The following ERC1 variants were observed in gnomAD, a reference collection of about 807,000 sequenced individuals.
The protein encoded by ERC1 is RAB6 interacting protein 2.
In ERC1, 56 loss-of-function variants were observed where a neutral mutation model predicts 132.0. The observed-to-expected ratio is 0.42, with a 90% CI of 0.34 to 0.53. The LOEUF (loss-of-function observed/expected upper bound fraction) is 0.53. ERC1 is among the 20% of genes least tolerant of loss of function. The pLI is 0.03. For missense variants in ERC1, 1,202 were observed against 1,349.9 expected (o/e 0.89, Z 1.72); for synonymous variants, 478 against 476.1 (o/e 1.00, Z -0.05).
intron 7 of ERC1, among the ~76,000 whole-genome samples, chr12:1,117,955 G>A (rs1246583269): frequency 6.6e-6 from 1 of 152,004 alleles, no homozygotes; most frequent in African/African-American, 2.4e-5. Context: ...TGCATAGTAG[G>A]TATATATATT....
chr12:1,445,652 A>G (rs985759205), intron 18 of ERC1, among the ~76,000 whole-genome samples: 1 of 152,190 alleles, frequency 6.6e-6, no homozygotes, highest in Non-Finnish European at 1.5e-5. Flanking sequence ...TTTCTTGGCA[A>G]TGAATAGTCT....
intron 2 of ERC1, among the ~76,000 whole-genome samples, chr12:1,082,010 G>T (rs146031358): frequency 7.4e-6 from 1 of 134,486 alleles, no homozygotes; most frequent in South Asian, 2.8e-4. Context: ...TTTGTATTTC[G>T]CTGTCCTTCG....
chr12:1,187,828 A>G (rs778232171), intron 11 of ERC1, among the ~76,000 whole-genome samples: 2 of 152,200 alleles, frequency 1.3e-5, no homozygotes, highest in African/African-American at 2.4e-5. Context: ...CTTGACTTAT[A>G]TAATTTATAG....
rs1363748675 is a variant in ERC1 at position 1,136,977 on chromosome 12, T to A, written c.1570-4643T>A. ...GCCTGTGTTCACCTGTGTTCCTTTA[T>A]GCTGGTATTCTTTGGTATGTGATAA... is the stretch of plus-strand genomic sequence containing the variant. On this transcript the variant is annotated intron_variant, in intron 7 of 18. Transcript: ENST00000360905. Among the ~76,000 whole-genome samples, 4 of 152,324 alleles carry A rather than the reference T, an allele frequency of 2.6e-5. No homozygotes were observed. The East Asian group carries it at 7.7e-4, about 29-fold the overall frequency.
chr12:1,166,492 T>C (rs1453488374), intron 8 of ERC1, among the ~76,000 whole-genome samples: 1 of 152,232 alleles, frequency 6.6e-6, no homozygotes, highest in African/African-American at 2.4e-5. Context: ...AGGCTTTCAG[T>C]CTTCACCTTG....
At chr12:1,275,818 G>A (rs567072778) in intron 14 of ERC1, among the ~76,000 whole-genome samples, 3 of 152,280 alleles carry the variant, frequency 2.0e-5, no homozygotes, top group African/African-American at 7.2e-5. Flanking sequence ...CATGATGCCC[G>A]CATCTGCTTC....
chr12:1,428,377 A>G (rs2092699454), intron 17 of ERC1, among the ~76,000 whole-genome samples: 1 of 152,166 alleles, frequency 6.6e-6, no homozygotes, highest in Admixed American at 6.5e-5. Flanking sequence ...TGTAGTAGCT[A>G]TTTTTAATCT....
intron 8 of ERC1, among the ~76,000 whole-genome samples, chr12:1,165,095 T>C (rs1952269895): frequency 6.6e-6 from 1 of 152,132 alleles, no homozygotes; most frequent in Non-Finnish European, 1.5e-5. Flanking sequence ...AGGAAGAAAG[T>C]ACAGAAGAAT....
At chr12:1,062,643 G>C (rs1350063823) in intron 2 of ERC1, among the ~76,000 whole-genome samples, 1 of 152,166 alleles carries the variant, frequency 6.6e-6, no homozygotes, top group Admixed American at 6.5e-5. Flanking sequence ...GTTTATCCTA[G>C]AGAATGTTCC....
At chr12:1,441,065 T>A (rs1361775503) in intron 17 of ERC1, among the ~76,000 whole-genome samples, 2 of 144,792 alleles carry the variant, frequency 1.4e-5, no homozygotes, top group African/African-American at 5.4e-5. Flanking sequence ...GTTTGAAAAT[T>A]TTTTTTTTTT....
chr12:1,330,416 T>C (rs571355948), intron 15 of ERC1, among the ~76,000 whole-genome samples: 3 of 152,118 alleles, frequency 2.0e-5, no homozygotes, highest in Non-Finnish European at 4.4e-5. Flanking sequence ...GCTGCCTGTT[T>C]TCCCTCACTC....
chr12:1,304,858 C>G (rs1287467409), intron 15 of ERC1, among the ~76,000 whole-genome samples: 1 of 127,610 alleles, frequency 7.8e-6, no homozygotes, highest in Admixed American at 9.8e-5. Flanking sequence ...GGCGTGATCT[C>G]GGCTCACTGC....
At position 1,493,290 on chromosome 12, in the gene ERC1, C is replaced by T. The variant is rs982682455; in HGVS notation, c.*3060C>T. On this transcript the variant is annotated 3_prime_UTR_variant, in exon 19 of 19. Transcript: ENST00000360905. ...GGCCACAGTGGCTCACGCCTGTAATCCCAGAACTCTGGAAGGCTGAGGCAG... is the reference window on the plus strand; with the variant it reads ...GGCCACAGTGGCTCACGCCTGTAATTCCAGAACTCTGGAAGGCTGAGGCAG... The T allele has an allele frequency of 4.4e-5, 8 of 182,644 alleles. No homozygotes were observed. The Admixed American group carries it at 5.0e-4, about 11-fold the overall frequency. 11.3% of individuals were successfully genotyped at this position (182,644 alleles called of 1,614,324 possible).
intron 17 of ERC1, among the ~76,000 whole-genome samples, chr12:1,415,015 C>T (rs963520850): frequency 6.6e-6 from 1 of 152,122 alleles, no homozygotes; most frequent in African/African-American, 2.4e-5. Flanking sequence ...TGAATGGAAA[C>T]AAAAGAATTT....
intron 1 of ERC1, among the ~76,000 whole-genome samples, chr12:994,636 G>GT (rs1960409725): frequency 6.6e-6 from 1 of 152,188 alleles, no homozygotes; most frequent in Admixed American, 6.5e-5. Flanking sequence ...ATCATTTGAA[G>GT]TTTAACTGTG....
chr12:1,196,894 C>CTG (rs1239546569), intron 12 of ERC1, among the ~76,000 whole-genome samples: 5 of 142,526 alleles, frequency 3.5e-5, no homozygotes, highest in Non-Finnish European at 7.6e-5. Context: ...GTCTGTCTCT[C>CTG]TCTGTCTCTC....
At position 1,083,353 on chromosome 12, in the gene ERC1, A is replaced by T. The variant is rs752187018; in HGVS notation, c.859A>T (p.Thr287Ser). The change falls in exon 3 of 19, where the codon ACA becomes TCA. Residue 287 changes from threonine (T) to serine (S), a missense_variant. Transcript: ENST00000360905. ...CAAAGAGCTGTTTCTTCTTCGAAAG[A>T]CATTGGAGGAAATGGAGCTGCGTAT... The part of the protein sequence containing the change: ...QAKELFLLRK[T>S]LEEMELRIET... 1 of 1,614,190 alleles carries T rather than the reference A, an allele frequency of 6.2e-7. No homozygotes were observed. Among genetic ancestry groups the T allele is most frequent in the South Asian group, 1.1e-5 (1 of 91,076 alleles).
At chr12:1,379,179 C>T (rs1323110913) in intron 16 of ERC1, among the ~76,000 whole-genome samples, 1 of 152,180 alleles carries the variant, frequency 6.6e-6, no homozygotes, top group African/African-American at 2.4e-5. Context: ...ATTTTCCTCT[C>T]ACGTTTTACC....
chr12:1,408,963 A>C (rs74480950), intron 17 of ERC1, among the ~76,000 whole-genome samples: 4,781 of 152,232 alleles, frequency 0.031, 274 homozygotes, highest in African/African-American at 0.11. Context: ...TATCACACCC[A>C]GTCTTAAAAT....
Sources: allele counts gnomAD v4.1 joint callset (sites outside exome capture counted in the v4.1 genomes callset), GRCh38; gene constraint gnomAD v4.1.1; transcripts MANE v1.5; gene names NCBI Gene and HGNC (gene_info 2026-07-23, HGNC 2026-07-21).